RCAN2: variants seen among roughly 807,000 people sequenced by gnomAD.
The protein encoded by RCAN2 is regulator of calcineurin 2, also known as calcipressin-2.
A neutral mutation model predicts 23.6 loss-of-function variants in RCAN2; 9 were observed. The ratio of observed to expected loss-of-function variants is 0.38; its 90% CI spans 0.23 to 0.67. RCAN2 has a LOEUF of 0.67. Ranked by LOEUF, RCAN2 falls within the 30% of genes least tolerant of loss-of-function variation. The pLI is 0.51. For missense variants in RCAN2, 273 were observed against 302.3 expected (o/e 0.90, Z 0.72); for synonymous variants, 109 against 115.7 (o/e 0.94, Z 0.37).
At chr6:46,395,884 G>C (rs1766075883) in intron 2 of RCAN2, among the ~76,000 whole-genome samples, 1 of 152,114 alleles carries the variant, frequency 6.6e-6, no homozygotes, top group Admixed American at 6.6e-5. Context: ...TGAACAAGCT[G>C]ATCCCGTTCT....
intron 2 of RCAN2, among the ~76,000 whole-genome samples, chr6:46,319,075 A>T (rs186403115): frequency 6.6e-6 from 1 of 152,328 alleles, no homozygotes; most frequent in Admixed American, 6.5e-5. Flanking sequence ...TTACATAAAT[A>T]CATTTGTCCC....
chr6:46,473,888 C>A (rs1768636708), intron 1 of RCAN2, among the ~76,000 whole-genome samples: 1 of 152,182 alleles, frequency 6.6e-6, no homozygotes, highest in South Asian at 2.1e-4. Context: ...ACTTTTAAGT[C>A]TTACATATAA....
At chr6:46,449,350 C>T (rs1767808023) in intron 2 of RCAN2, among the ~76,000 whole-genome samples, 1 of 151,396 alleles carries the variant, frequency 6.6e-6, no homozygotes, top group Non-Finnish European at 1.5e-5. Context: ...AAAAGATATT[C>T]TATCTTCAGA....
chr6:46,262,486 T>G (rs1406893558), intron 2 of RCAN2, among the ~76,000 whole-genome samples: 1 of 152,112 alleles, frequency 6.6e-6, no homozygotes, highest in African/African-American at 2.4e-5. Flanking sequence ...CTGGATGCAG[T>G]AGCTCATGCT....
chr6:46,230,709 A>G (rs531803573), intron 4 of RCAN2, among the ~76,000 whole-genome samples: 1 of 152,218 alleles, frequency 6.6e-6, no homozygotes, highest in South Asian at 2.1e-4. Flanking sequence ...GGAATTCCCC[A>G]ACCCCTAGTG....
At chr6:46,446,238 C>T (rs888294435) in intron 2 of RCAN2, among the ~76,000 whole-genome samples, 25 of 144,400 alleles carry the variant, frequency 1.7e-4, no homozygotes, top group Admixed American at 6.6e-4. Flanking sequence ...TTACATAAAC[C>T]TTACAGGGCA....
chr6:46,223,386 G>T, intron 4 of RCAN2, 85 bp from the exon 5 acceptor site: 1 of 1,314,506 alleles, frequency 7.6e-7, no homozygotes, highest in Non-Finnish European at 1.1e-6. Flanking sequence ...GAAATGACAG[G>T]AGCATTTTCC....
chr6:46,383,167 T>TAG (rs1765655042), intron 2 of RCAN2, among the ~76,000 whole-genome samples: 1 of 99,704 alleles, frequency 1.0e-5, no homozygotes, highest in African/African-American at 3.2e-5. Flanking sequence ...GCAGCCTGGG[T>TAG]AGTGTGTGTG....
rs143516451 is a variant in RCAN2, at chr6:46,440,009, T to C, written c.225+16743A>G. Among the ~76,000 whole-genome samples, 294 of 152,294 alleles carry C rather than the reference T, an allele frequency of 1.9e-3. 1 individual carries two copies. The highest frequency in any genetic ancestry group is 3.5e-3 in the Non-Finnish European group (237 of 68,028). ...AATTCTACAACTTGACGGAACATAA[T>C]ATCAACAAAAAGTAATCTATTTGAG... On this transcript the variant is annotated intron_variant, in intron 2 of 4. Transcript: ENST00000371374.
At chr6:46,472,480 C>T (rs1369104621) in intron 1 of RCAN2, among the ~76,000 whole-genome samples, 2 of 152,168 alleles carry the variant, frequency 1.3e-5, no homozygotes, top group South Asian at 2.1e-4. Flanking sequence ...TGTCAAATCT[C>T]TCTGTGACTC....
chr6:46,482,427 G>A (rs1386299338), intron 1 of RCAN2, among the ~76,000 whole-genome samples: 3 of 152,136 alleles, frequency 2.0e-5, no homozygotes, highest in Non-Finnish European at 2.9e-5. Flanking sequence ...TGAAAGGGAG[G>A]ATTCTGCCAT....
intron 4 of RCAN2, among the ~76,000 whole-genome samples, chr6:46,230,606 G>A (rs572448004): frequency 3.3e-4 from 51 of 152,284 alleles, no homozygotes; most frequent in Middle Eastern, 3.4e-3. Context: ...CTGGTGTGCC[G>A]TTTGCTAAGA....
intron 4 of RCAN2, among the ~76,000 whole-genome samples, chr6:46,237,727 C>T (rs1328350588): frequency 6.6e-6 from 1 of 152,198 alleles, no homozygotes. Flanking sequence ...TGGAAGTAAG[C>T]AGTGTGACTT....
At chr6:46,426,460 C>T (rs1767035688) in intron 2 of RCAN2, among the ~76,000 whole-genome samples, 1 of 152,108 alleles carries the variant, frequency 6.6e-6, no homozygotes, top group South Asian at 2.1e-4. Flanking sequence ...TTTAAAAAGA[C>T]AAGCAATTTT....
chr6:46,296,520 T>G (rs538677756), intron 2 of RCAN2, among the ~76,000 whole-genome samples: 1 of 152,274 alleles, frequency 6.6e-6, no homozygotes, highest in African/African-American at 2.4e-5. Flanking sequence ...AGGTTACATT[T>G]ACATAATATA....
At chr6:46,376,874 C>T (rs919130991) in intron 2 of RCAN2, among the ~76,000 whole-genome samples, 1 of 151,968 alleles carries the variant, frequency 6.6e-6, no homozygotes, top group Middle Eastern at 3.2e-3. Flanking sequence ...CCCGCACCCC[C>T]TCCCCCACAG....
At chr6:46,292,859 C>T (rs1008317858) in intron 2 of RCAN2, among the ~76,000 whole-genome samples, 1 of 152,158 alleles carries the variant, frequency 6.6e-6, no homozygotes, top group Non-Finnish European at 1.5e-5. Context: ...TCTCCTAACG[C>T]TATCCCTCCC....
At chr6:46,424,915 T>C (rs1766992693) in intron 2 of RCAN2, among the ~76,000 whole-genome samples, 1 of 152,208 alleles carries the variant, frequency 6.6e-6, no homozygotes, top group Non-Finnish European at 1.5e-5. Flanking sequence ...TTATAAGCCC[T>C]GGGCATAGAG....
chr6:46,314,510 A>G (rs947917118), intron 2 of RCAN2, among the ~76,000 whole-genome samples: 2 of 151,806 alleles, frequency 1.3e-5, no homozygotes, highest in Non-Finnish European at 2.9e-5. Context: ...TCCTAAGCAA[A>G]AAAACAAAAA....
Sources: gnomAD v4.1 joint callset for allele counts (sites outside exome capture counted in the v4.1 genomes callset) on GRCh38, gnomAD v4.1.1 for gene constraint, MANE v1.5 for transcripts, NCBI Gene and HGNC (gene_info 2026-07-23, HGNC 2026-07-21) for gene names.